Variants in ADGRV1 observed in about 807,000 individuals in gnomAD.
The protein encoded by ADGRV1 is adhesion G protein-coupled receptor V1, also known as G-protein coupled receptor 98.
In ADGRV1, 359 loss-of-function variants were observed where a neutral mutation model predicts 596.2. The ratio of observed to expected loss-of-function variants is 0.60; its 90% CI spans 0.55 to 0.66. The LOEUF is 0.66. Among genes scored for constraint, ADGRV1 ranks in the 30% least tolerant of loss-of-function variants. The pLI, the probability that ADGRV1 is intolerant of heterozygous loss-of-function variation, is 0.00. For synonymous variants in ADGRV1, 2,681 were observed against 2,679.2 expected (o/e 1.00, Z -0.02); for missense variants, 7,274 against 7,575.6 (o/e 0.96, Z 1.48).
In ADGRV1 at chr5:90,559,937, A is replaced by T. The variant is rs570341759; in HGVS notation, c.22+1020A>T. Reference sequence around the variant, plus strand: ...GAGAAAAAATGATATCTTAGGCAGGATACAAATGAGCACCAATAATTTATT... The same window carrying T: ...GAGAAAAAATGATATCTTAGGCAGGTTACAAATGAGCACCAATAATTTATT... On this transcript the variant is annotated intron_variant, in intron 1 of 89. Transcript: ENST00000405460. Among the ~76,000 whole-genome samples, 19 of 152,312 alleles carry T rather than the reference A, an allele frequency of 1.2e-4. 1 individual carries two copies. The highest frequency in any genetic ancestry group is 6.8e-3 in the Middle Eastern group (2 of 294).
chr5:90,788,869 C>G (rs904167131), intron 68 of ADGRV1, among the ~76,000 whole-genome samples: 2 of 140,286 alleles, frequency 1.4e-5, no homozygotes, highest in East Asian at 1.9e-4. Flanking sequence ...CACAGACACA[C>G]ACACACACAC....
intron 85 of ADGRV1, among the ~76,000 whole-genome samples, chr5:90,995,933 T>G (rs932101743): frequency 1.3e-5 from 2 of 152,184 alleles, no homozygotes; most frequent in African/African-American, 4.8e-5. Context: ...AAGAGAAATT[T>G]TTAAGCAGCA....
At chr5:91,072,365 A>C in intron 85 of ADGRV1, 82 bp from the exon 86 acceptor site, 1 of 1,224,296 alleles carries the variant, frequency 8.2e-7, no homozygotes, top group Non-Finnish European at 1.2e-6. Context: ...GAGCTAGTAT[A>C]AAGTAGTGAT....
At chr5:91,061,221 A>G (rs1581934472) in intron 85 of ADGRV1, among the ~76,000 whole-genome samples, 1 of 152,206 alleles carries the variant, frequency 6.6e-6, no homozygotes, top group South Asian at 2.1e-4. Flanking sequence ...ATTCATACAT[A>G]CAAAAAATAA....
chr5:90,779,782 G>C (rs943744840), intron 64 of ADGRV1: 3 of 152,212 alleles, frequency 2.0e-5, no homozygotes, highest in African/African-American at 7.2e-5. Flanking sequence ...CCAGATAGCA[G>C]ATAGGTGGGC....
At chr5:90,795,468 C>A (rs776267058) in intron 70 of ADGRV1, among the ~76,000 whole-genome samples, 5 of 152,114 alleles carry the variant, frequency 3.3e-5, no homozygotes, top group Non-Finnish European at 5.9e-5. Context: ...CTGGGCAGGG[C>A]ATCTCTGAAA....
rs1441659390 is a variant in ADGRV1, at chr5:90,711,293, G to C, written c.9013G>C (p.Val3005Leu). The C allele has an allele frequency of 6.2e-7, 1 of 1,612,978 alleles. No homozygotes were observed. The change falls in exon 41 of 90, where the codon GTG (valine) becomes CTG (leucine). Residue 3005 changes from valine (V) to leucine (L), a missense_variant. Physicochemically the swap from Val to Leu is conservative, Grantham distance 32. Around this residue, in one of 5 missense-constraint regions of ADGRV1, gnomAD observed 3,643 missense variants for 3,809.2 expected, o/e 0.96. Transcript: ENST00000405460. ...FVYAQNLEAQ[V>L]GLDYIFTPMI... ...GTATGCTCAGAATTTGGAAGCACAA[G>C]TGGGGCTGGATTATATCTTCACCCC...
At chr5:91,041,446 T>G (rs1395888877) in intron 85 of ADGRV1, among the ~76,000 whole-genome samples, 1 of 150,636 alleles carries the variant, frequency 6.6e-6, no homozygotes, top group African/African-American at 2.4e-5. Flanking sequence ...TGAGAACACA[T>G]GGACACAGGG....
At chr5:90,956,905 A>G (rs1777531503) in intron 83 of ADGRV1, among the ~76,000 whole-genome samples, 1 of 152,180 alleles carries the variant, frequency 6.6e-6, no homozygotes, top group African/African-American at 2.4e-5. Context: ...TTAAGATGCT[A>G]TCAATAACAG....
At chr5:90,616,273 G>A (rs568895170) in intron 2 of ADGRV1, among the ~76,000 whole-genome samples, 5 of 151,916 alleles carry the variant, frequency 3.3e-5, no homozygotes, top group South Asian at 4.2e-4. Context: ...GAGCTCTTTC[G>A]TGAAAGAGAT....
chr5:90,801,092 T>C (rs996469139), intron 70 of ADGRV1, among the ~76,000 whole-genome samples: 2 of 152,046 alleles, frequency 1.3e-5, no homozygotes, highest in African/African-American at 4.8e-5. Context: ...AAAGAACGAA[T>C]GATAGGCAGT....
chr5:90,840,453 A>G, intron 77 of ADGRV1, 125 bp from the exon 78 acceptor site: 2 of 694,398 alleles, frequency 2.9e-6, no homozygotes, highest in South Asian at 2.2e-5. Context: ...TTTAGGTAGT[A>G]CTGTCATCAT....
chr5:90,614,169 A>AAG (rs1450791788), intron 1 of ADGRV1: 18 of 367,690 alleles, frequency 4.9e-5, no homozygotes, highest in African/African-American at 3.8e-4. Flanking sequence ...AAAAAAAAAA[A>AAG]AAAGAAAGTT....
chr5:90,587,555 CTTTTT>C (rs35819836), intron 1 of ADGRV1, among the ~76,000 whole-genome samples: 1 of 138,514 alleles, frequency 7.2e-6, no homozygotes, highest in Non-Finnish European at 1.6e-5. Context: ...TTTTCTGTGT[CTTTTT>C]TTTTTTTTTT....
intron 87 of ADGRV1, among the ~76,000 whole-genome samples, chr5:91,130,886 T>C (rs1467952428): frequency 6.6e-6 from 1 of 152,226 alleles, no homozygotes; most frequent in African/African-American, 2.4e-5. Context: ...TGATTCTGTT[T>C]CTCTATTAAT....
At chr5:91,123,775 C>T (rs932453906) in intron 87 of ADGRV1, among the ~76,000 whole-genome samples, 12 of 152,154 alleles carry the variant, frequency 7.9e-5, no homozygotes, top group Admixed American at 1.3e-4. Flanking sequence ...GTTGCAGGAA[C>T]TGTTGTATGT....
At chr5:90,829,784 G>T (rs1456115613) in intron 77 of ADGRV1, among the ~76,000 whole-genome samples, 1 of 151,874 alleles carries the variant, frequency 6.6e-6, no homozygotes, top group African/African-American at 2.4e-5. Context: ...TTATTTTTTT[G>T]CTTTTGTTTT....
chr5:90,868,491 G>A (rs1022951318), intron 83 of ADGRV1, among the ~76,000 whole-genome samples: 2 of 151,884 alleles, frequency 1.3e-5, no homozygotes, highest in African/African-American at 4.8e-5. Context: ...CATTCTCATA[G>A]CATTTGACAA....
At chr5:90,777,804 G>T in intron 61 of ADGRV1, 101 bp from the exon 62 acceptor site, 5 of 1,083,334 alleles carry the variant, frequency 4.6e-6, no homozygotes, top group Non-Finnish European at 6.5e-6. Context: ...AACTGTTATT[G>T]AAATGGATGA....
Sources: allele counts gnomAD v4.1 joint callset (sites outside exome capture counted in the v4.1 genomes callset), GRCh38; gene constraint gnomAD v4.1.1; regional missense constraint gnomAD v4.1.1; transcripts MANE v1.5; gene names NCBI Gene and HGNC (gene_info 2026-07-23, HGNC 2026-07-21).